ZFR2: variants seen among roughly 807,000 people sequenced by gnomAD.
The protein encoded by ZFR2 is zinc finger RNA binding protein 2, also known as zinc finger RNA-binding protein 2.
A neutral mutation model predicts 105.7 loss-of-function variants in ZFR2; 104 were observed. The ratio of observed to expected loss-of-function variants is 0.98; its 90% CI spans 0.84 to 1.16. ZFR2 has a LOEUF of 1.16. Among genes scored for constraint, ZFR2 ranks in the 50% most tolerant of loss-of-function variants. ZFR2 has a pLI of 0.00. For missense variants in ZFR2, 1,425 were observed against 1,355.5 expected, an observed-to-expected ratio of 1.05 and a Z score of -0.80; for synonymous variants, 634 against 597.7, an observed-to-expected ratio of 1.06 and a Z score of -0.89.
chr19:3,823,517 C>G lies in ZFR2; in HGVS notation c.1214-114G>C, dbSNP rs1568422069. The stretch of plus-strand genomic sequence containing the variant: ...ACCCAGACTGCAGGCTGTGCCATCC[C>G]CCTCCCTCCTGTGATGTCAGGGGGA... On this transcript the variant is annotated intron_variant, in intron 7 of 18. Transcript: ENST00000262961. This position sits in a 1 kb window ranked among gnomAD's most constrained non-coding sequence, Gnocchi z 5.4. 1.8e-6 allele frequency: 2 copies of G among 1,086,516 alleles called. No homozygotes were observed. Among genetic ancestry groups the G allele is most frequent in the South Asian group, 1.6e-5 (1 of 62,522 alleles). The allele number at this position is 1,086,516 out of a possible 1,614,324, so 67.3% of individuals were successfully genotyped here.
At chr19:3,821,602 G>GC (rs1377557321) in intron 9 of ZFR2, 123 bp from the exon 10 acceptor site, 226 of 450,094 alleles carry the variant, frequency 5.0e-4, no homozygotes, top group East Asian at 3.4e-3. Flanking sequence ...ATCTCCCAAA[G>GC]CCTTTTTTTT....
At chr19:3,841,381 C>T (rs2038131086) in intron 1 of ZFR2, among the ~76,000 whole-genome samples, 1 of 152,220 alleles carries the variant, frequency 6.6e-6, no homozygotes, top group East Asian at 1.9e-4. Context: ...ATGGTTCTGG[C>T]AACTGAGGAG....
chr19:3,822,576 A>G (rs1456215261), intron 8 of ZFR2, among the ~76,000 whole-genome samples: 2 of 151,814 alleles, frequency 1.3e-5, no homozygotes, highest in Non-Finnish European at 2.9e-5. Context: ...ATTAGCTGGG[A>G]GTGGTGGCTC....
chr19:3,837,150 T>C (rs535258291), intron 1 of ZFR2, among the ~76,000 whole-genome samples: 1 of 152,302 alleles, frequency 6.6e-6, no homozygotes, highest in East Asian at 1.9e-4. Context: ...CTTTTTTTTA[T>C]TTTTTGAGAC....
rs1285387340 is a variant in ZFR2, at chr19:3,821,406, A to T, written c.1565T>A (p.Met522Lys). The T allele has an allele frequency of 2.5e-6, 4 of 1,611,498 alleles. No homozygotes were observed. Among genetic ancestry groups the T allele is most frequent in the Non-Finnish European group, 3.4e-6 (4 of 1,179,270 alleles). The stretch of plus-strand genomic sequence containing the variant: ...CTCCGCCAGGTGCCGCTGCTTCCTC[A>T]TGCGCTCCTCCAGGACCTTCCGAGC... The part of the protein sequence containing the change: ...SRARKVLEER[M>K]RKQRHLAEER... Residue 522 changes from methionine (M) to lysine (K), a missense_variant, in exon 10 of 19, where the codon ATG becomes AAG. By Grantham distance (95) the Met-to-Lys change is moderately conservative (BLOSUM62 -1). Coordinates refer to ENST00000262961, the MANE Select transcript of ZFR2 (RefSeq NM_015174.2).
At chr19:3,848,058 T>C (rs937344483) in intron 1 of ZFR2, among the ~76,000 whole-genome samples, 2 of 152,170 alleles carry the variant, frequency 1.3e-5, no homozygotes, top group African/African-American at 4.8e-5. Context: ...GGCAGGGAAA[T>C]CCAAGTACGG....
In ZFR2 at chr19:3,831,420, G is replaced by A. The variant is rs915770721; in HGVS notation, c.735C>T (p.Ser245=). The A allele has an allele frequency of 5.1e-6, 8 of 1,554,660 alleles. No homozygotes were observed. In the Admixed American group the frequency reaches 1.2e-4, roughly 23 times the overall value. The stretch of plus-strand genomic sequence containing the variant: ...GCGGTGGCTTCGAGTCGGCCCTGGG[G>A]CTGCTTCCTGAGCCTGCAGGCGCGG... ...PPPAPAGSGS[S]PRADSKPPLP... The change falls in exon 5 of 19, where the codon AGC becomes AGT. Residue 245 remains serine, a synonymous_variant. Coordinates refer to ENST00000262961, the MANE Select transcript of ZFR2 (RefSeq NM_015174.2).
At chr19:3,822,960 C>T (rs1288022088) in intron 8 of ZFR2, among the ~76,000 whole-genome samples, 1 of 152,244 alleles carries the variant, frequency 6.6e-6, no homozygotes, top group Non-Finnish European at 1.5e-5. Flanking sequence ...AGATCCCTTC[C>T]ACCTTCCAGA....
chr19:3,855,084 T>C (rs939841578), intron 1 of ZFR2, among the ~76,000 whole-genome samples: 2 of 151,808 alleles, frequency 1.3e-5, no homozygotes, highest in South Asian at 2.1e-4. Context: ...TTGGTAGAGA[T>C]GGGGTCTCAC....
At chr19:3,860,701 G>A (rs1490172555) in intron 1 of ZFR2, among the ~76,000 whole-genome samples, 3 of 152,114 alleles carry the variant, frequency 2.0e-5, no homozygotes, top group African/African-American at 4.8e-5. Flanking sequence ...CCTCCCAGAC[G>A]CAGGACAAGC....
chr19:3,822,209 C>A lies in ZFR2; in HGVS notation c.1372-9G>T. On this transcript the variant is annotated splice_polypyrimidine_tract_variant and intron_variant, in intron 8 of 18. Transcript: ENST00000262961. Reference sequence around the variant, plus strand: ...CCTTCGTCGCTGAACACCTGAGACACAGAACAGCCGCACGCGCACCAGGCA... The same window carrying A: ...CCTTCGTCGCTGAACACCTGAGACAAAGAACAGCCGCACGCGCACCAGGCA... 1 of 1,578,654 alleles carries A rather than the reference C, an allele frequency of 6.3e-7. No individual in the cohort carries two copies. Among genetic ancestry groups the A allele is most frequent in the East Asian group, 2.3e-5 (1 of 42,676 alleles).
chr19:3,853,335 C>T (rs2038262042), intron 1 of ZFR2, among the ~76,000 whole-genome samples: 1 of 152,188 alleles, frequency 6.6e-6, no homozygotes, highest in East Asian at 1.9e-4. Flanking sequence ...AAAGCTGTGG[C>T]CTCCCGCCCT....
At chr19:3,865,038 C>T (rs1042904050) in intron 1 of ZFR2, among the ~76,000 whole-genome samples, 1 of 152,070 alleles carries the variant, frequency 6.6e-6, no homozygotes, top group South Asian at 2.1e-4. Context: ...TGTGAGCCAC[C>T]GTGCCCGGCC....
chr19:3,842,761 T>C (rs890666330), intron 1 of ZFR2, among the ~76,000 whole-genome samples: 2 of 151,922 alleles, frequency 1.3e-5, no homozygotes, highest in East Asian at 1.9e-4. Flanking sequence ...GTAGCTGGGA[T>C]TGCAGGTGCA....
At chr19:3,851,192 G>C (rs2038234537) in intron 1 of ZFR2, among the ~76,000 whole-genome samples, 1 of 152,172 alleles carries the variant, frequency 6.6e-6, no homozygotes, top group Non-Finnish European at 1.5e-5. Flanking sequence ...AAGGACACGA[G>C]ACACACAGGG....
At position 3,806,089 on chromosome 19, in the gene ZFR2, T is replaced by G. The variant is rs1261632034; in HGVS notation, c.2680A>C (p.Lys894Gln). ...LRMLAFRQTHKVLGMDLLPPR... is the reference protein window; with the variant it reads ...LRMLAFRQTHQVLGMDLLPPR... ...GGCAGGAGATCCATGCCCAGGACCTTGTGGGTCTGCCGGAAGGCCAGCATT... is the reference window on the plus strand; with the variant it reads ...GGCAGGAGATCCATGCCCAGGACCTGGTGGGTCTGCCGGAAGGCCAGCATT... The change falls in exon 19 of 19, where the codon AAG (lysine) becomes CAG (glutamine). Residue 894 changes from lysine (K) to glutamine (Q), a missense_variant. By Grantham distance (53) the Lys-to-Gln change is moderately conservative. Transcript: ENST00000262961. The G allele has an allele frequency of 6.0e-6, 9 of 1,498,026 alleles. No individual in the cohort carries two copies. The highest frequency in any genetic ancestry group is 8.0e-6 in the Non-Finnish European group (9 of 1,123,752). The allele number at this position is 1,498,026 out of a possible 1,614,324, so 92.8% of individuals were successfully genotyped here.
intron 5 of ZFR2, among the ~76,000 whole-genome samples, chr19:3,830,226 C>A (rs1238014216): frequency 1.3e-5 from 2 of 152,016 alleles, no homozygotes; most frequent in Non-Finnish European, 2.9e-5. Flanking sequence ...ATCGCTTGGG[C>A]CCAGGAGTTC....
rs2038103476 is a variant in ZFR2, at chr19:3,838,600, G to A, written c.54-3617C>T. Among the ~76,000 whole-genome samples, 1 of 152,002 alleles carries A rather than the reference G, an allele frequency of 6.6e-6. No individual in the cohort carries two copies. Among genetic ancestry groups the A allele is most frequent in the Non-Finnish European group, 1.5e-5 (1 of 67,992 alleles). ...TACAGCCCTAACCATGCCATCTCCT[G>A]CTCAAAGCCCTCCCAAGGCCCTGCC... On this transcript the variant is annotated intron_variant, in intron 1 of 18. Transcript: ENST00000262961. The surrounding 1 kb of genome is among the most constrained non-coding windows in gnomAD (Gnocchi z 4.9).
chr19:3,853,043 C>T (rs570988910), intron 1 of ZFR2, among the ~76,000 whole-genome samples: 10 of 152,296 alleles, frequency 6.6e-5, no homozygotes, highest in African/African-American at 2.2e-4. Flanking sequence ...TCGGGAGGAT[C>T]ACTTGAGCCC....
Sources: gnomAD v4.1 joint callset for allele counts (sites outside exome capture counted in the v4.1 genomes callset) on GRCh38, gnomAD v4.1.1 for gene constraint, Gnocchi (gnomAD v3.1) non-coding constraint, MANE v1.5 for transcripts, NCBI Gene and HGNC (gene_info 2026-07-23, HGNC 2026-07-21) for gene names.